MYO18B: variants seen among roughly 807,000 people sequenced by gnomAD.
MYO18B encodes the protein myosin XVIIIB.
Under a neutral mutation model 273.0 loss-of-function variants are expected in MYO18B, and 204 were observed. The observed-to-expected ratio is 0.75, with a 90% CI of 0.67 to 0.84. MYO18B has a LOEUF of 0.84. MYO18B is among the 40% of genes least tolerant of loss of function. MYO18B has a pLI of 0.00. For synonymous variants in MYO18B, 1,330 were observed against 1,305.7 expected (o/e 1.02, Z -0.40); for missense variants, 3,212 against 3,287.6 (o/e 0.98, Z 0.56).
chr22:25,847,636 G>A lies in MYO18B; in HGVS notation c.3759G>A (p.Leu1253=), dbSNP rs1235050566. ...QLAGFHILEA[L]RLHRTGYADH... ...CTGGGTTCCACATCCTGGAGGCTCT[G>A]CGTCTGCATAGGACAGGTAAGAGAC... is the stretch of plus-strand genomic sequence containing the variant. The change falls in exon 20 of 44, where the codon CTG becomes CTA. Residue 1253 remains leucine, a synonymous_variant. Transcript: ENST00000335473. 5 of 1,558,456 alleles carry A rather than the reference G, an allele frequency of 3.2e-6. No homozygotes were observed. Among genetic ancestry groups the A allele is most frequent in the Non-Finnish European group, 4.3e-6 (5 of 1,151,628 alleles).
chr22:26,053,142 G>A, the MYO18B span, among the ~76,000 whole-genome samples: 1 of 152,096 alleles, frequency 6.6e-6, no homozygotes, highest in Non-Finnish European at 1.5e-5. Context: ...TATTGGAAAT[G>A]CCTTTTAGTG....
At chr22:25,866,954 T>C (rs1410247198) in intron 21 of MYO18B, among the ~76,000 whole-genome samples, 1 of 152,040 alleles carries the variant, frequency 6.6e-6, no homozygotes, top group African/African-American at 2.4e-5. Flanking sequence ...GAGAGAAGCA[T>C]AGAGCGGGGA....
In MYO18B at chr22:25,952,419, T is replaced by C. The variant is rs761477078; in HGVS notation, c.5966T>C (p.Phe1989Ser). The change falls in exon 38 of 44, where the codon TTT (phenylalanine) becomes TCT (serine). Residue 1989 changes from phenylalanine to serine, a missense_variant. Transcript: ENST00000335473. ...TEFQKVQIKRFEVLVIRLRDS... is the reference protein window; with the variant it reads ...TEFQKVQIKRSEVLVIRLRDS... ...TTCCAGAAGGTGCAGATTAAGAGAT[T>C]TGAGGTACGTAGTGATTCATAAATA... is the stretch of plus-strand genomic sequence containing the variant. 5.0e-6 allele frequency: 8 copies of C among 1,612,914 alleles called. No homozygotes were observed. Among genetic ancestry groups the C allele is most frequent in the Admixed American group, 3.3e-5 (2 of 59,922 alleles).
At chr22:26,042,043 G>A in the MYO18B span, among the ~76,000 whole-genome samples, 1 of 152,326 alleles carries the variant, frequency 6.6e-6, no homozygotes, top group Non-Finnish European at 1.5e-5. Flanking sequence ...GCCAGAGAAG[G>A]CGAGGCCTGT....
intron 7 of MYO18B, among the ~76,000 whole-genome samples, chr22:25,776,571 T>G (rs2086922362): frequency 6.6e-6 from 1 of 152,112 alleles, no homozygotes; most frequent in Non-Finnish European, 1.5e-5. Context: ...TACTCCAGCC[T>G]GGGCAACAAG....
chr22:25,903,647 C>T lies in MYO18B; in HGVS notation c.4964C>T (p.Ala1655Val). The T allele has an allele frequency of 6.2e-7, 1 of 1,606,616 alleles. No individual in the cohort carries two copies. Among genetic ancestry groups the T allele is most frequent in the Non-Finnish European group, 8.5e-7 (1 of 1,176,496 alleles). The change falls in exon 31 of 44, where the codon GCC becomes GTC. Residue 1655 changes from alanine (A) to valine (V), a missense_variant. Coordinates refer to ENST00000335473, the MANE Select transcript of MYO18B (RefSeq NM_032608.7). ...TCTCTGTAGCAAAAGGAGCAGGAAGCCTCACAGCTGAAGCAGCAGGTGGAG... is the reference window on the plus strand; with the variant it reads ...TCTCTGTAGCAAAAGGAGCAGGAAGTCTCACAGCTGAAGCAGCAGGTGGAG... ...QQQLKQKEQE[A>V]SQLKQQVEML...
chr22:26,044,791 G>A, the MYO18B span, among the ~76,000 whole-genome samples: 2 of 152,372 alleles, frequency 1.3e-5, no homozygotes, highest in Non-Finnish European at 2.9e-5. Context: ...CAGAGAGGAA[G>A]AGGGTTGGGA....
At chr22:25,763,469 G>A in intron 3 of MYO18B, 80 bp downstream of exon 3, 3 of 1,488,322 alleles carry the variant, frequency 2.0e-6, no homozygotes, top group Non-Finnish European at 2.7e-6. Context: ...TGAGTCATTT[G>A]TCATCCTGCC....
At chr22:25,950,985 C>A (rs1349925817) in intron 37 of MYO18B, among the ~76,000 whole-genome samples, 1 of 152,162 alleles carries the variant, frequency 6.6e-6, no homozygotes, top group Admixed American at 6.5e-5. Context: ...ACTTGGAATT[C>A]AATGTTCAAG....
chr22:26,027,615 G>A lies in MYO18B; in HGVS notation c.7641G>A (p.Glu2547=), dbSNP rs35885947. 1.1e-5 allele frequency: 18 copies of A among 1,613,806 alleles called. No individual in the cohort carries two copies. The highest frequency in any genetic ancestry group is 1.5e-5 in the Non-Finnish European group (18 of 1,179,886). ...AGCGAACGTCCCCCGAGCGGAGAGA[G>A]CCAGGGACGGGGAGGAAAGACGACG... ...GGERTSPERR[E]PGTGRKDDDV... Residue 2547 remains glutamate, a synonymous_variant, in exon 43 of 44, where the codon GAG becomes GAA. Transcript: ENST00000335473. This position sits in a 1 kb window ranked among gnomAD's most constrained non-coding sequence, Gnocchi z 4.1.
intron 22 of MYO18B, among the ~76,000 whole-genome samples, chr22:25,870,880 C>T (rs557004183): frequency 6.6e-5 from 10 of 152,134 alleles, no homozygotes; most frequent in African/African-American, 9.7e-5. Context: ...AAATCAGTGC[C>T]TATGATCCTG....
At chr22:25,812,418 G>A (rs963745317) in intron 12 of MYO18B, among the ~76,000 whole-genome samples, 3 of 152,154 alleles carry the variant, frequency 2.0e-5, no homozygotes, top group African/African-American at 7.2e-5. Flanking sequence ...ACCCTGTAAT[G>A]AGGTGCTCCA....
intron 15 of MYO18B, among the ~76,000 whole-genome samples, chr22:25,831,590 C>T (rs2089709364): frequency 6.6e-6 from 1 of 152,156 alleles, no homozygotes; most frequent in Admixed American, 6.5e-5. Flanking sequence ...ACCATGTTAG[C>T]CAGCCTAGTC....
chr22:25,905,680 G>A (rs2092028884), intron 31 of MYO18B, among the ~76,000 whole-genome samples: 1 of 152,178 alleles, frequency 6.6e-6, no homozygotes, highest in Non-Finnish European at 1.5e-5. Flanking sequence ...CGGGGTCTTT[G>A]AGGCAGCTTG....
intron 22 of MYO18B, 148 bp from the exon 23 acceptor site, chr22:25,874,138 T>TA: frequency 2.2e-6 from 2 of 906,198 alleles, no homozygotes; most frequent in South Asian, 3.3e-5. Context: ...TTTGATAATT[T>TA]AGACTCCCCC....
chr22:25,834,508 G>A (rs1410960443), intron 16 of MYO18B, among the ~76,000 whole-genome samples: 1 of 152,156 alleles, frequency 6.6e-6, no homozygotes, highest in Non-Finnish European at 1.5e-5. Context: ...GTGACCAACT[G>A]TCCTGGTTTG....
At chr22:25,887,032 C>T (rs2091519793) in intron 25 of MYO18B, among the ~76,000 whole-genome samples, 1 of 152,208 alleles carries the variant, frequency 6.6e-6, no homozygotes, top group African/African-American at 2.4e-5. Flanking sequence ...ATGAACAGAT[C>T]TTTCTGTGCA....
At chr22:25,980,101 C>T (rs1330255477) in intron 39 of MYO18B, among the ~76,000 whole-genome samples, 1 of 152,156 alleles carries the variant, frequency 6.6e-6, no homozygotes, top group Admixed American at 6.5e-5. Context: ...AGTTTTTTCT[C>T]TGCCACCCCG....
rs561630336 is a variant in MYO18B, at chr22:25,925,938, A to C, written c.5517+4529A>C. On this transcript the variant is annotated intron_variant, in intron 34 of 43. Coordinates refer to ENST00000335473, the MANE Select transcript of MYO18B (RefSeq NM_032608.7). ...AAAAAAAAAAAGGCCAGGTGCGGTG[A>C]CTCACACCTGTAATCCCAGCACTTT... 2.3e-5 allele frequency among the ~76,000 whole-genome samples: 3 copies of C among 128,976 alleles called. No individual in the cohort carries two copies. In the South Asian group the frequency reaches 7.8e-4, roughly 34 times the overall value. The allele number at this position is 128,976 out of a possible 152,430, so 84.6% of individuals were successfully genotyped here.
Sources: allele counts gnomAD v4.1 joint callset (sites outside exome capture counted in the v4.1 genomes callset), GRCh38; gene constraint gnomAD v4.1.1; non-coding constraint Gnocchi (gnomAD v3.1); transcripts MANE v1.5; gene names NCBI Gene and HGNC (gene_info 2026-07-23, HGNC 2026-07-21).